The following GPC5 variants were observed in gnomAD, a reference collection of about 807,000 sequenced individuals.
GPC5 encodes the protein glypican-5.
A neutral mutation model predicts 53.9 loss-of-function variants in GPC5; 47 were observed. That is an observed-to-expected ratio of 0.87 (90% CI 0.69 to 1.11). The LOEUF is 1.11. Among genes scored for constraint, GPC5 ranks in the 50% most tolerant of loss-of-function variants. The pLI is 0.00. For missense variants in GPC5, 748 were observed against 713.1 expected, an observed-to-expected ratio of 1.05 and a Z score of -0.56; for synonymous variants, 286 against 263.3, an observed-to-expected ratio of 1.09 and a Z score of -0.84.
At chr13:92,259,866 T>C (rs7323523) in intron 7 of GPC5, among the ~76,000 whole-genome samples, 45,246 of 151,970 alleles carry the variant, frequency 0.3, 7,286 homozygotes, top group South Asian at 0.45. Flanking sequence ...CTGTTCAGGC[T>C]CTATCACCCT....
chr13:91,662,416 A>G (rs1287229307), intron 2 of GPC5, among the ~76,000 whole-genome samples: 1 of 152,214 alleles, frequency 6.6e-6, no homozygotes, highest in East Asian at 1.9e-4. Context: ...TAGAGGTGAC[A>G]TCTTGATAAA....
chr13:92,365,812 T>G (rs960335317), intron 7 of GPC5, among the ~76,000 whole-genome samples: 7 of 151,430 alleles, frequency 4.6e-5, no homozygotes, highest in African/African-American at 1.2e-4. Context: ...ATTGCGTGCA[T>G]GGATCTATCA....
intron 7 of GPC5, among the ~76,000 whole-genome samples, chr13:92,715,537 T>G (rs775152179): frequency 6.6e-6 from 1 of 152,194 alleles, no homozygotes; most frequent in Non-Finnish European, 1.5e-5. Flanking sequence ...AATTAACAAT[T>G]AACAGGAACA....
chr13:92,861,241 A>G (rs1358252881), intron 7 of GPC5, among the ~76,000 whole-genome samples: 2 of 152,164 alleles, frequency 1.3e-5, no homozygotes, highest in East Asian at 3.9e-4. Context: ...TGCACAGATT[A>G]ACATTTTTGA....
chr13:92,189,124 C>T (rs1213622489), intron 7 of GPC5, among the ~76,000 whole-genome samples: 2 of 152,132 alleles, frequency 1.3e-5, no homozygotes, highest in African/African-American at 4.8e-5. Context: ...CCTTCAGGAG[C>T]TTTACTAGGT....
At chr13:92,673,114 AT>A (rs1336615212) in intron 7 of GPC5, among the ~76,000 whole-genome samples, 1 of 152,050 alleles carries the variant, frequency 6.6e-6, no homozygotes, top group African/African-American at 2.4e-5. Flanking sequence ...ACTTTAAATA[AT>A]TTTTTATGCA....
chr13:92,724,208 A>ATAAT (rs1262199844), intron 7 of GPC5, among the ~76,000 whole-genome samples: 10 of 151,580 alleles, frequency 6.6e-5, no homozygotes, highest in African/African-American at 2.2e-4. Context: ...TCAGTATAAG[A>ATAAT]TATTTTTCTC....
At chr13:91,729,277 A>G (rs1392576625) in intron 4 of GPC5, among the ~76,000 whole-genome samples, 1 of 152,128 alleles carries the variant, frequency 6.6e-6, no homozygotes, top group Admixed American at 6.6e-5. Flanking sequence ...CACAGGTTAA[A>G]TTCAGGCCTC....
chr13:92,398,662 T>G (rs1377212831), intron 7 of GPC5, among the ~76,000 whole-genome samples: 1 of 152,156 alleles, frequency 6.6e-6, no homozygotes, highest in African/African-American at 2.4e-5. Flanking sequence ...TCTCAATAGA[T>G]TCTTACTCTT....
intron 5 of GPC5, among the ~76,000 whole-genome samples, chr13:91,783,254 C>CAATA (rs200636590): frequency 0.056 from 8,426 of 150,708 alleles, 260 homozygotes; most frequent in Middle Eastern, 0.086. Flanking sequence ...AACTCCATCT[C>CAATA]AATAAATAAA....
At chr13:92,199,841 A>C (rs1192525461) in intron 7 of GPC5, among the ~76,000 whole-genome samples, 3 of 152,188 alleles carry the variant, frequency 2.0e-5, no homozygotes, top group Non-Finnish European at 4.4e-5. Context: ...AAAAGCCACA[A>C]GAAATCCCTC....
rs574456077 is a variant in GPC5, at chr13:91,671,976, AAAAC to A, written c.326-21208_326-21205del. 1.9e-3 allele frequency among the ~76,000 whole-genome samples: 291 copies of A among 152,224 alleles called. 1 individual carries two copies. The highest frequency in any genetic ancestry group is 6.7e-3 in the African/African-American group (277 of 41,530). On this transcript the variant is annotated intron_variant, in intron 2 of 7. Transcript: ENST00000377067. ...CATCTGATCTTCAACAAACCTGACA[AAAAC>A]AAGCAATGGGGAAAGGATGTCCTAT...
chr13:92,113,144 A>G (rs1263892043), intron 6 of GPC5, among the ~76,000 whole-genome samples: 1 of 151,852 alleles, frequency 6.6e-6, no homozygotes, highest in African/African-American at 2.4e-5. Context: ...GGATATCTTT[A>G]CTCTTTCCAG....
intron 5 of GPC5, among the ~76,000 whole-genome samples, chr13:91,828,679 C>A (rs2038611711): frequency 6.6e-6 from 1 of 151,968 alleles, no homozygotes; most frequent in Non-Finnish European, 1.5e-5. Context: ...AGGGGCCAAA[C>A]TGAAGAAGCT....
chr13:91,466,957 C>T (rs1183586478), intron 2 of GPC5, among the ~76,000 whole-genome samples: 4 of 152,120 alleles, frequency 2.6e-5, no homozygotes, highest in African/African-American at 9.7e-5. Flanking sequence ...CATTTTCAGG[C>T]AGTCCCCGCT....
chr13:92,507,809 C>T (rs1030417897), intron 7 of GPC5, among the ~76,000 whole-genome samples: 6 of 152,010 alleles, frequency 3.9e-5, no homozygotes, highest in African/African-American at 1.4e-4. Context: ...AAAATTTCAA[C>T]AATCCTCATA....
Position 91,560,968 on chromosome 13 carries a change from C to T in GPC5, c.325+112046C>T, listed in dbSNP as rs143977561. ...ACATACCAAAACTCTTCCTTCAAGC[C>T]TTCCCCAAAGGCACATCTAGATTTT... is the stretch of plus-strand genomic sequence containing the variant. On this transcript the variant is annotated intron_variant, in intron 2 of 7. Transcript: ENST00000377067. Among the ~76,000 whole-genome samples the T allele has an allele frequency of 2.1e-3, 315 of 152,152 alleles. 2 individuals are homozygous for T. Among genetic ancestry groups the T allele is most frequent in the African/African-American group, 7.1e-3 (296 of 41,520 alleles).
At chr13:92,090,492 T>G (rs1490265477) in intron 6 of GPC5, among the ~76,000 whole-genome samples, 2 of 152,122 alleles carry the variant, frequency 1.3e-5, no homozygotes, top group African/African-American at 4.8e-5. Flanking sequence ...AATTCATGAA[T>G]CAAGAAGCAG....
At chr13:91,715,379 AT>A (rs1249925742) in intron 3 of GPC5, among the ~76,000 whole-genome samples, 1 of 152,250 alleles carries the variant, frequency 6.6e-6, no homozygotes, top group Non-Finnish European at 1.5e-5. Flanking sequence ...TATAAAACAT[AT>A]TTGTATATAT....
Sources: allele counts gnomAD v4.1 joint callset (sites outside exome capture counted in the v4.1 genomes callset), GRCh38; gene constraint gnomAD v4.1.1; transcripts MANE v1.5; gene names NCBI Gene and HGNC (gene_info 2026-07-23, HGNC 2026-07-21).